CELF4: variants seen among roughly 807,000 people sequenced by gnomAD.
CELF4 encodes the protein CUGBP Elav-like family member 4, also known as CUG-BP- and ETR-3-like factor 4.
Under a neutral mutation model 59.9 loss-of-function variants are expected in CELF4, and 18 were observed. That is an observed-to-expected ratio of 0.30 (90% CI 0.21 to 0.45). The LOEUF (loss-of-function observed/expected upper bound fraction) is 0.45. Among genes scored for constraint, CELF4 ranks in the 20% least tolerant of loss-of-function variants. The pLI is 1.00. For synonymous variants in CELF4, 261 were observed against 267.1 expected (o/e 0.98, Z 0.22); for missense variants, 456 against 689.0 (o/e 0.66, Z 3.79).
rs2077409442 is a variant in CELF4, at chr18:37,266,104, CCTT to C, written c.1165+426_1165+428del. On this transcript the variant is annotated intron_variant, in intron 9 of 12. Transcript: ENST00000420428. The stretch of plus-strand genomic sequence containing the variant: ...AAACGGCATCTCTTCTAGAGGCCCT[CCTT>C]CTCTCAAACCAGGCATCTGTGCTTC... 1.4e-5 allele frequency: 4 copies of C among 292,034 alleles called. No individual in the cohort carries two copies. The Admixed American group carries it at 1.4e-4, about 11-fold the overall frequency. 18.1% of individuals were successfully genotyped at this position (292,034 alleles called of 1,614,324 possible).
At position 37,528,165 on chromosome 18, in the gene CELF4, T is replaced by C. The variant is rs148898068; in HGVS notation, c.286+37191A>G. 2.6e-3 allele frequency among the ~76,000 whole-genome samples: 390 copies of C among 152,346 alleles called. 2 individuals carry two copies. Among genetic ancestry groups the C allele is most frequent in the Middle Eastern group, 6.8e-3 (2 of 294 alleles). ...ACATCCTGGCAAATATTAAGCATTT[T>C]CTGATAATACATAATGTGAGTAAGG... On this transcript the variant is annotated intron_variant, in intron 1 of 12. Coordinates refer to ENST00000420428, the MANE Select transcript of CELF4 (RefSeq NM_020180.4).
intron 2 of CELF4, among the ~76,000 whole-genome samples, chr18:37,452,262 G>A (rs2099766147): frequency 6.6e-6 from 1 of 152,246 alleles, no homozygotes; most frequent in Non-Finnish European, 1.5e-5. Context: ...GCCAGGTGCT[G>A]TGAGTAGAAC....
chr18:37,318,638 CCCCCACTTTCTACT>C, intron 3 of CELF4, among the ~76,000 whole-genome samples: 1 of 145,624 alleles, frequency 6.9e-6, no homozygotes, highest in African/African-American at 2.7e-5. Context: ...CCTCCCCCCC[CCCCCACTTTCTACT>C]GCAAGAAGAA....
chr18:37,550,023 G>A (rs2099982643), intron 1 of CELF4, among the ~76,000 whole-genome samples: 1 of 114,966 alleles, frequency 8.7e-6, no homozygotes, highest in Admixed American at 1.3e-4. Flanking sequence ...CTGGGAGGAA[G>A]AAAACTAAAA....
intron 11 of CELF4, among the ~76,000 whole-genome samples, chr18:37,255,310 C>T (rs949688772): frequency 2.0e-5 from 3 of 151,966 alleles, no homozygotes; most frequent in Non-Finnish European, 2.9e-5. Context: ...AGCCCTTCCT[C>T]ACTTTCCCTA....
At chr18:37,524,289 T>TG (rs1465454324) in intron 1 of CELF4, among the ~76,000 whole-genome samples, 26 of 152,002 alleles carry the variant, frequency 1.7e-4, no homozygotes, top group Middle Eastern at 6.8e-3. Flanking sequence ...TGCTGGCGGG[T>TG]GGGTGGTAGG....
chr18:37,485,329 G>A (rs1287778125), intron 2 of CELF4, among the ~76,000 whole-genome samples, 196 bp downstream of exon 2: 4 of 151,664 alleles, frequency 2.6e-5, no homozygotes, highest in Non-Finnish European at 5.9e-5. Flanking sequence ...CGGCCAAGTG[G>A]GGCCCCTGTC....
chr18:37,547,884 T>G (rs369843309), intron 1 of CELF4, among the ~76,000 whole-genome samples: 1 of 152,138 alleles, frequency 6.6e-6, no homozygotes, highest in Non-Finnish European at 1.5e-5. Context: ...CGTGTGTGTA[T>G]CTCTATGTGC....
At chr18:37,274,745 G>T (rs972276457) in intron 5 of CELF4, 60 bp downstream of exon 5, 1 of 1,509,688 alleles carries the variant, frequency 6.6e-7, no homozygotes, top group Non-Finnish European at 8.8e-7. Flanking sequence ...GGGGCGTGGC[G>T]GGTGCTGGGG....
intron 3 of CELF4, among the ~76,000 whole-genome samples, chr18:37,285,330 C>T (rs972877647): frequency 6.6e-6 from 1 of 152,216 alleles, no homozygotes; most frequent in South Asian, 2.1e-4. Context: ...CCTCTCTCGT[C>T]GTCACGCAGG....
chr18:37,494,263 CAA>C (rs2099922320), intron 1 of CELF4, among the ~76,000 whole-genome samples: 1 of 152,178 alleles, frequency 6.6e-6, no homozygotes, highest in Non-Finnish European at 1.5e-5. Flanking sequence ...TGAAAAAAGA[CAA>C]AGTGGACGTG....
intron 2 of CELF4, among the ~76,000 whole-genome samples, chr18:37,422,598 G>T (rs1288648558): frequency 1.3e-5 from 2 of 152,214 alleles, no homozygotes; most frequent in African/African-American, 4.8e-5. Flanking sequence ...TGTTAAGCAT[G>T]TGGGAGTGAA....
At chr18:37,292,707 A>G (rs2095416528) in intron 3 of CELF4, among the ~76,000 whole-genome samples, 1 of 152,256 alleles carries the variant, frequency 6.6e-6, no homozygotes, top group Non-Finnish European at 1.5e-5. Context: ...TTACAAAGTC[A>G]TAAAGTAACT....
At chr18:37,476,985 C>G (rs1318811519) in intron 2 of CELF4, among the ~76,000 whole-genome samples, 2 of 152,234 alleles carry the variant, frequency 1.3e-5, no homozygotes, top group Non-Finnish European at 2.9e-5. Context: ...CCAAATGCAC[C>G]CCCGCAGGGT....
chr18:37,497,425 G>A (rs571841768), intron 1 of CELF4, among the ~76,000 whole-genome samples: 20 of 152,272 alleles, frequency 1.3e-4, no homozygotes, highest in African/African-American at 4.3e-4. Flanking sequence ...AGGCCAAGGC[G>A]GGCAGATCAC....
chr18:37,448,970 T>TC (rs2099755795), intron 2 of CELF4, among the ~76,000 whole-genome samples: 1 of 151,978 alleles, frequency 6.6e-6, no homozygotes, highest in Non-Finnish European at 1.5e-5. Flanking sequence ...CCTCATGAGC[T>TC]CCCCCAATGG....
At chr18:37,487,738 GGGA>G (rs2154603291) in intron 1 of CELF4, among the ~76,000 whole-genome samples, 1 of 152,308 alleles carries the variant, frequency 6.6e-6, no homozygotes, top group South Asian at 2.1e-4. Flanking sequence ...CAGGTTTGAG[GGGA>G]GGAGGATGAG....
intron 2 of CELF4, among the ~76,000 whole-genome samples, chr18:37,408,374 A>G (rs1258994361): frequency 6.6e-6 from 1 of 152,082 alleles, no homozygotes; most frequent in African/African-American, 2.4e-5. Flanking sequence ...AAGGACTGCA[A>G]GGGACCAAGC....
In CELF4 at chr18:37,349,905, A is replaced by T. The variant is rs75894146; in HGVS notation, c.370-28024T>A. On this transcript the variant is annotated intron_variant, in intron 2 of 12. Transcript: ENST00000420428. ...GCTGCACTGAAAAGGGGAGCCGGCCAGAGTTCACAGGGCAAGGGATGGGTG... is the reference window on the plus strand; with the variant it reads ...GCTGCACTGAAAAGGGGAGCCGGCCTGAGTTCACAGGGCAAGGGATGGGTG... Among the ~76,000 whole-genome samples the T allele has an allele frequency of 2.5e-3, 384 of 152,294 alleles. 2 individuals carry two copies. The highest frequency in any genetic ancestry group is 8.9e-3 in the African/African-American group (369 of 41,562).
Sources: allele counts gnomAD v4.1 joint callset (sites outside exome capture counted in the v4.1 genomes callset), GRCh38; gene constraint gnomAD v4.1.1; transcripts MANE v1.5; gene names NCBI Gene and HGNC (gene_info 2026-07-23, HGNC 2026-07-21).